RBFOX1: variants seen among roughly 807,000 people sequenced by gnomAD.
RBFOX1 encodes RNA binding protein fox-1 homolog 1.
In RBFOX1, 8 loss-of-function variants were observed where a neutral mutation model predicts 57.7. The ratio of observed to expected loss-of-function variants is 0.14; its 90% CI spans 0.08 to 0.25. RBFOX1 has a LOEUF of 0.25. RBFOX1 is among the 10% of genes least tolerant of loss of function. The pLI is 1.00. For missense variants in RBFOX1, 611 were observed against 548.5 expected (o/e 1.11, Z -1.14); for synonymous variants, 326 against 222.4 (o/e 1.47, Z -4.15).
Position 6,097,242 on chromosome 16 carries a change from TTC to T in RBFOX1, c.-127+77252_-127+77253del, listed in dbSNP as rs2096256284. On this transcript the variant is annotated intron_variant, in intron 1 of 15. Coordinates refer to ENST00000550418, the MANE Select transcript of RBFOX1 (RefSeq NM_018723.4). This position sits in a 1 kb window ranked among gnomAD's most constrained non-coding sequence, Gnocchi z 5.0. ...ATGTGGAACTGTGAGTCCATTAAAC[TTC>T]TTTTTGTTTATAAATTACTCAGTCT... Among the ~76,000 whole-genome samples, 1 of 152,208 alleles carries T rather than the reference TTC, an allele frequency of 6.6e-6. No individual in the cohort carries two copies. Among genetic ancestry groups the T allele is most frequent in the African/African-American group, 2.4e-5 (1 of 41,454 alleles).
intron 4 of RBFOX1, among the ~76,000 whole-genome samples, chr16:7,489,747 C>G (rs1031448575): frequency 6.6e-6 from 1 of 151,720 alleles, no homozygotes; most frequent in Non-Finnish European, 1.5e-5. Context: ...TCTTCAACTC[C>G]TGGCCTCAAG....
intron 3 of RBFOX1, among the ~76,000 whole-genome samples, chr16:6,725,709 ACT>A (rs1233400261): frequency 2.6e-5 from 4 of 152,208 alleles, no homozygotes; most frequent in South Asian, 2.1e-4. Flanking sequence ...TTCTTCTAAA[ACT>A]CTATATTCAG....
intron 11 of RBFOX1, among the ~76,000 whole-genome samples, chr16:7,630,922 G>T (rs1462830007): frequency 6.6e-6 from 1 of 152,190 alleles, no homozygotes; most frequent in African/African-American, 2.4e-5. Flanking sequence ...GCATGGGGTT[G>T]GTGGGGAGGG....
At chr16:6,056,343 T>A (rs1316201509) in intron 1 of RBFOX1, among the ~76,000 whole-genome samples, 1 of 152,232 alleles carries the variant, frequency 6.6e-6, no homozygotes, top group East Asian at 1.9e-4. Context: ...AAGATTCTAA[T>A]GAGTTTGAAT....
intron 2 of RBFOX1, among the ~76,000 whole-genome samples, chr16:6,491,865 A>C (rs769522189): frequency 6.6e-6 from 1 of 152,168 alleles, no homozygotes. Context: ...AACATTGGTG[A>C]AAAATGAATC....
At chr16:5,986,894 G>A (rs549311717) in intron 4 of RBFOX1, among the ~76,000 whole-genome samples, 18 of 152,284 alleles carry the variant, frequency 1.2e-4, no homozygotes, top group East Asian at 9.6e-4. Flanking sequence ...ATGCCGAAGC[G>A]TACAACTGCC....
At chr16:6,361,124 A>G (rs1207088637) in intron 2 of RBFOX1, among the ~76,000 whole-genome samples, 1 of 152,128 alleles carries the variant, frequency 6.6e-6, no homozygotes, top group African/African-American at 2.4e-5. Flanking sequence ...ACAAATATGT[A>G]ATATGGGCAA....
intron 4 of RBFOX1, among the ~76,000 whole-genome samples, chr16:7,120,214 A>C (rs533699408): frequency 1.2e-4 from 19 of 152,208 alleles, no homozygotes; most frequent in African/African-American, 4.3e-4. Flanking sequence ...CATAATGCTA[A>C]GTGCTTCTAT....
intron 3 of RBFOX1, among the ~76,000 whole-genome samples, chr16:7,023,938 C>G (rs1054723970): frequency 6.6e-6 from 1 of 152,080 alleles, no homozygotes; most frequent in Non-Finnish European, 1.5e-5. Flanking sequence ...GCTTTTGATT[C>G]CCATGAGGGC....
intron 3 of RBFOX1, among the ~76,000 whole-genome samples, chr16:5,849,339 A>C (rs1349341039): frequency 1.3e-5 from 2 of 152,044 alleles, no homozygotes; most frequent in African/African-American, 4.8e-5. Context: ...TCCAAACAGG[A>C]GACTTGAGGT....
At chr16:5,827,909 CCA>C in intron 3 of RBFOX1, among the ~76,000 whole-genome samples, 1 of 142,128 alleles carries the variant, frequency 7.0e-6, no homozygotes, top group Non-Finnish European at 1.5e-5. Flanking sequence ...ATCCATCCAT[CCA>C]TCCATCCACC....
chr16:6,691,133 G>A (rs1275091874), intron 3 of RBFOX1, among the ~76,000 whole-genome samples: 2 of 152,076 alleles, frequency 1.3e-5, no homozygotes, highest in Non-Finnish European at 2.9e-5. Context: ...ACAGAGTCCT[G>A]GAAAGAAATC....
At chr16:6,526,745 G>C (rs963613044) in intron 2 of RBFOX1, among the ~76,000 whole-genome samples, 7 of 139,908 alleles carry the variant, frequency 5.0e-5, no homozygotes, top group Non-Finnish European at 7.6e-5. Flanking sequence ...CAGGAGAATG[G>C]CTTGAACCTG....
chr16:6,932,697 T>C (rs1597609997), intron 3 of RBFOX1, among the ~76,000 whole-genome samples: 1 of 152,218 alleles, frequency 6.6e-6, no homozygotes, highest in African/African-American at 2.4e-5. Flanking sequence ...GTCTCTACTT[T>C]CACTAATCTC....
At chr16:5,551,114 C>T (rs1188376836) in intron 2 of RBFOX1, among the ~76,000 whole-genome samples, 1 of 152,158 alleles carries the variant, frequency 6.6e-6, no homozygotes, top group African/African-American at 2.4e-5. Context: ...GCCACTCTTG[C>T]CTCAGTTTCC....
chr16:5,348,659 A>T (rs1191658500), intron 1 of RBFOX1, among the ~76,000 whole-genome samples: 1 of 152,202 alleles, frequency 6.6e-6, no homozygotes, highest in Non-Finnish European at 1.5e-5. Flanking sequence ...AATTTATATA[A>T]ATAGTAGGCT....
intron 3 of RBFOX1, among the ~76,000 whole-genome samples, chr16:6,821,249 CTT>C (rs1174150849): frequency 1.3e-5 from 2 of 152,148 alleles, no homozygotes; most frequent in African/African-American, 4.8e-5. Context: ...TATGGTGTCT[CTT>C]TACATCTAAC....
intron 4 of RBFOX1, among the ~76,000 whole-genome samples, chr16:5,896,480 A>C (rs1473817703): frequency 6.6e-6 from 1 of 152,114 alleles, no homozygotes; most frequent in Non-Finnish European, 1.5e-5. Flanking sequence ...GCTTCTCTGC[A>C]CATGTGGGCT....
At chr16:7,050,452 G>A (rs1328384537) in intron 3 of RBFOX1, among the ~76,000 whole-genome samples, 1 of 151,896 alleles carries the variant, frequency 6.6e-6, no homozygotes, top group African/African-American at 2.4e-5. Context: ...TTTTAGTAGA[G>A]AAGAGGTTTC....
Sources: allele counts gnomAD v4.1 joint callset (sites outside exome capture counted in the v4.1 genomes callset), GRCh38; gene constraint gnomAD v4.1.1; non-coding constraint Gnocchi (gnomAD v3.1); transcripts MANE v1.5; gene names NCBI Gene and HGNC (gene_info 2026-07-23, HGNC 2026-07-21).